Variants in MCM4 observed in about 807,000 individuals in gnomAD.
MCM4 encodes minichromosome maintenance complex component 4.
A neutral mutation model predicts 88.7 loss-of-function variants in MCM4; 60 were observed. The observed-to-expected ratio is 0.68, with a 90% confidence interval of 0.55 to 0.84. The LOEUF is 0.84. MCM4 is among the 40% of genes least tolerant of loss of function. The probability of loss-of-function intolerance (pLI) is 0.00; values close to 1 mark genes in which losing one functional copy is unlikely to be tolerated. For missense variants in MCM4, 1,149 were observed against 1,105.5 expected (o/e 1.04, Z -0.56); for synonymous variants, 465 against 410.5 (o/e 1.13, Z -1.61).
At position 47,968,243 on chromosome 8, in the gene MCM4, G is replaced by A. The variant is rs2090918462; in HGVS notation, c.1174+758G>A. On this transcript the variant is annotated intron_variant, in intron 10 of 16. Transcript: ENST00000649973. ...TGCCTGAATCTGCTCCTGAGCGGAG[G>A]GCCTGGGGCACACCACGCATCGGCT... Among the ~76,000 whole-genome samples, 5 of 152,134 alleles carry A rather than the reference G, an allele frequency of 3.3e-5. No individual in the cohort carries two copies. In the South Asian group the frequency reaches 1.0e-3, roughly 31 times the overall value.
At position 47,976,792 on chromosome 8, in the gene MCM4, A is replaced by G; in HGVS notation, c.*14A>G. On this transcript the variant is annotated 3_prime_UTR_variant, in exon 17 of 17. Transcript: ENST00000649973. ...CGCTTGCTCTGAAGCCTTGTGAGCA[A>G]GGAAGGCTCCCTGCATGTCCTGCTT... 6.4e-7 allele frequency: 1 copy of G among 1,554,884 alleles called. No homozygotes were observed.
At chr8:47,972,796 A>G in intron 13 of MCM4, 61 bp from the exon 14 acceptor site, 1 of 1,373,630 alleles carries the variant, frequency 7.3e-7, no homozygotes, top group Non-Finnish European at 1.0e-6. Flanking sequence ...ACCTCAGGTG[A>G]TCCACCTGCC....
chr8:47,967,520 G>A (rs772516183), intron 10 of MCM4, 35 bp downstream of exon 10: 16 of 1,613,258 alleles, frequency 9.9e-6, no homozygotes, highest in Middle Eastern at 1.7e-4. Context: ...ACTTGAGCAT[G>A]TCTGGCTTGC....
Position 47,961,677 on chromosome 8 carries a change from T to A in MCM4, c.232T>A (p.Ser78Thr). 6.2e-7 allele frequency: 1 copy of A among 1,604,650 alleles called. No individual in the cohort carries two copies. Among genetic ancestry groups the A allele is most frequent in the South Asian group, 1.1e-5 (1 of 90,426 alleles). The change falls in exon 3 of 17, where the codon TCA becomes ACA. Residue 78 changes from serine (S) to threonine (T), a missense_variant. Physicochemically the swap from Ser to Thr is moderately conservative, Grantham distance 58. This residue lies in a region of MCM4 where 906 missense variants were observed against 843.0 expected (regional missense o/e 1.07). Transcript: ENST00000649973. ...TTCCAGCCCTCCCCAAATGCATTCT[T>A]CAGGTGCGTGTCTGAAGATCTTGGT... ...LFSSPPQMHSSAIPLDFDVSS... is the reference protein window; with the variant it reads ...LFSSPPQMHSTAIPLDFDVSS...
chr8:47,962,675 A>G, intron 5 of MCM4, 89 bp from the exon 6 acceptor site: 4 of 772,292 alleles, frequency 5.2e-6, no homozygotes, highest in Non-Finnish European at 6.6e-6. Context: ...CTGTCTCCTG[A>G]TAGTGACATA....
chr8:47,970,483 A>C, intron 11 of MCM4, 28 bp from the exon 12 acceptor site: 1 of 1,564,066 alleles, frequency 6.4e-7, no homozygotes, highest in Non-Finnish European at 8.7e-7. Flanking sequence ...CAGAAAATGA[A>C]TGTTTAGACA....
intron 12 of MCM4, 151 bp from the exon 13 acceptor site, chr8:47,971,190 G>A (rs1208665385): frequency 4.7e-6 from 4 of 845,040 alleles, no homozygotes; most frequent in East Asian, 2.6e-5. Flanking sequence ...GCTTATCCAG[G>A]TGAACTGCTG....
chr8:47,975,834 G>T lies in MCM4; in HGVS notation c.2485G>T (p.Gly829Ter). 6.4e-7 allele frequency: 1 copy of T among 1,573,924 alleles called. No individual in the cohort carries two copies. The highest frequency in any genetic ancestry group is 8.6e-7 in the Non-Finnish European group (1 of 1,164,888). The stretch of plus-strand genomic sequence containing the variant: ...CCAGCAACTTTTTGAAGATATTCGG[G>T]GACAATCTGACATAGTAAGTGTTTA... ...KYQQLFEDIR[G>*]QSDIAITKDM... The change falls in exon 16 of 17, where the codon GGA becomes TGA. Residue 829 changes from glycine (G) to a stop codon, truncating the protein, a stop_gained. Transcript: ENST00000649973. LOFTEE classifies it high-confidence loss of function.
At chr8:47,965,788 C>T (rs970178238) in intron 8 of MCM4, among the ~76,000 whole-genome samples, 2 of 152,190 alleles carry the variant, frequency 1.3e-5, no homozygotes, top group African/African-American at 4.8e-5. Flanking sequence ...CACGTTCAGT[C>T]CTTGGCTCTG....
At chr8:47,963,156 A>G in intron 7 of MCM4, 116 bp downstream of exon 7, 2 of 636,026 alleles carry the variant, frequency 3.1e-6, no homozygotes, top group East Asian at 5.7e-5. Context: ...TAAGAAACTG[A>G]GTATCATCTC....
chr8:47,967,960 A>G (rs945090234), intron 10 of MCM4, among the ~76,000 whole-genome samples: 2 of 152,236 alleles, frequency 1.3e-5, no homozygotes, highest in African/African-American at 4.8e-5. Flanking sequence ...AAAATGAGTC[A>G]GTGACTTGTT....
rs774391513 is a variant in MCM4 at position 47,976,794 on chromosome 8, G to A, written c.*16G>A. The A allele has an allele frequency of 3.9e-6, 6 of 1,538,696 alleles. No individual in the cohort carries two copies. The highest frequency in any genetic ancestry group is 5.4e-6 in the Non-Finnish European group (6 of 1,111,680). On this transcript the variant is annotated 3_prime_UTR_variant, in exon 17 of 17. Transcript: ENST00000649973. Reference sequence around the variant, plus strand: ...CTTGCTCTGAAGCCTTGTGAGCAAGGAAGGCTCCCTGCATGTCCTGCTTGC... The same window carrying A: ...CTTGCTCTGAAGCCTTGTGAGCAAGAAAGGCTCCCTGCATGTCCTGCTTGC...
At chr8:47,964,748 G>A (rs1170556711) in intron 8 of MCM4, 36 bp downstream of exon 8, 2 of 1,508,592 alleles carry the variant, frequency 1.3e-6, no homozygotes, top group Non-Finnish European at 1.8e-6. Flanking sequence ...TTTGTTGAAG[G>A]AAAATGCCTT....
In MCM4 at chr8:47,973,081, AAGG is replaced by A; in HGVS notation, c.2136+18_2136+20del. On this transcript the variant is annotated intron_variant, in intron 14 of 16. Transcript: ENST00000649973. ...CTCATCGAGGTAACCCTGCTGAAAA[AAGG>A]CTTACTGTGCCTGTAGCCCACAGCA... 1 of 1,607,792 alleles carries A rather than the reference AAGG, an allele frequency of 6.2e-7. No individual in the cohort carries two copies. Among genetic ancestry groups the A allele is most frequent in the Non-Finnish European group, 8.5e-7 (1 of 1,177,638 alleles).
At position 47,970,049 on chromosome 8, in the gene MCM4, A is replaced by G. The variant is rs1400820389; in HGVS notation, c.1426A>G (p.Ile476Val). 1 of 1,613,466 alleles carries G rather than the reference A, an allele frequency of 6.2e-7. No individual in the cohort carries two copies. The highest frequency in any genetic ancestry group is 8.5e-7 in the Non-Finnish European group (1 of 1,179,766). ...TCCAAGCATTTATGAACATGAAGAT[A>G]TAAAGAAGGTAACAGTGGATTTTAA... ...LAPSIYEHED[I>V]KKGILLQLFG... Residue 476 changes from isoleucine (I) to valine (V), a missense_variant, in exon 11 of 17, where the codon ATA becomes GTA. By Grantham distance (29) the Ile-to-Val change is conservative. Transcript: ENST00000649973.
chr8:47,973,024 T>TTA lies in MCM4; in HGVS notation c.2096_2097insTA (p.Met699IlefsTer5), dbSNP rs1563835489. 6.2e-7 allele frequency: 1 copy of TTA among 1,614,044 alleles called. No individual in the cohort carries two copies. The highest frequency in any genetic ancestry group is 1.7e-4 in the Middle Eastern group (1 of 5,984). ...ATTGCCTACGCGCACAGCACCATCATGCCGCGGCTAAGTGAGGAAGCCAGC... is the reference window on the plus strand; with the variant it reads ...ATTGCCTACGCGCACAGCACCATCATTAGCCGCGGCTAAGTGAGGAAGCCAGC... On this transcript the variant is annotated frameshift_variant, in exon 14 of 17. Coordinates refer to ENST00000649973, the MANE Select transcript of MCM4 (RefSeq NM_182746.3). LOFTEE classifies it high-confidence loss of function.
At position 47,962,956 on chromosome 8, in the gene MCM4, T is replaced by C; in HGVS notation, c.609T>C (p.Ile203=). The C allele has an allele frequency of 6.2e-7, 1 of 1,600,058 alleles. No individual in the cohort carries two copies. The highest frequency in any genetic ancestry group is 2.2e-5 in the East Asian group (1 of 44,756). Reference sequence around the variant, plus strand: ...TTTTTATTTTCTAGATTAATGTTATTGGTGAGCCATTTTTAAATGTGAACT... The same window carrying C: ...TTTTTATTTTCTAGATTAATGTTATCGGTGAGCCATTTTTAAATGTGAACT... The part of the protein sequence containing the change: ...YMQRLGEINV[I]GEPFLNVNCE... The change falls in exon 7 of 17, where the codon ATT becomes ATC. Residue 203 remains isoleucine (I), a synonymous_variant. Coordinates refer to ENST00000649973, the MANE Select transcript of MCM4 (RefSeq NM_182746.3).
chr8:47,971,278 G>C, intron 12 of MCM4, 63 bp from the exon 13 acceptor site: 1 of 1,602,716 alleles, frequency 6.2e-7, no homozygotes, highest in South Asian at 1.1e-5. Flanking sequence ...GCCGGGCGAA[G>C]ACGGTGCTTG....
In MCM4 at chr8:47,964,289, G is replaced by A. The variant is rs146080482; in HGVS notation, c.694-285G>A. On this transcript the variant is annotated intron_variant, in intron 7 of 16. Transcript: ENST00000649973. The stretch of plus-strand genomic sequence containing the variant: ...CACTTCATTATAGAAGGAAAATAAA[G>A]TGTGAGGTCAAAATCTTTTTCCCTT... Among the ~76,000 whole-genome samples, 478 of 152,330 alleles carry A rather than the reference G, an allele frequency of 3.1e-3. 16 individuals carry two copies. The South Asian group carries it at 0.079, about 25-fold the overall frequency.
Sources: gnomAD v4.1 joint callset for allele counts (sites outside exome capture counted in the v4.1 genomes callset) on GRCh38, gnomAD v4.1.1 for gene constraint, gnomAD v4.1.1 regional missense constraint, MANE v1.5 for transcripts, NCBI Gene and HGNC (gene_info 2026-07-23, HGNC 2026-07-21) for gene names.